SYNE2: variants seen among roughly 807,000 people sequenced by gnomAD.
SYNE2 encodes the protein nesprin-2.
SYNE2 carries 431 observed loss-of-function variants against 856.3 expected under a neutral mutation model. The ratio of observed to expected loss-of-function variants is 0.50; its 90% confidence interval spans 0.47 to 0.55. The LOEUF (loss-of-function observed/expected upper bound fraction) is 0.55. Among genes scored for constraint, SYNE2 ranks in the 20% least tolerant of loss-of-function variants. The pLI, the probability that SYNE2 is intolerant of heterozygous loss-of-function variation, is 0.00. For missense variants in SYNE2, 8,129 were observed against 8,023.2 expected (o/e 1.01, Z -0.50); for synonymous variants, 2,923 against 2,872.3 (o/e 1.02, Z -0.56).
intron 1 of SYNE2, among the ~76,000 whole-genome samples, chr14:63,806,126 T>C (rs1288641910): frequency 6.6e-6 from 1 of 152,198 alleles, no homozygotes; most frequent in Non-Finnish European, 1.5e-5. Flanking sequence ...TTGTCATAGA[T>C]GGCTCTTATT....
At chr14:63,940,070 A>ATTTTTTTTTTTTT (rs10666086) in intron 2 of SYNE2, among the ~76,000 whole-genome samples, 2 of 129,400 alleles carry the variant, frequency 1.5e-5, no homozygotes, top group Non-Finnish European at 3.2e-5. Context: ...GTCTCAGTTC[A>ATTTTTTTTTTTTT]TTTTTTTTTT....
chr14:64,036,280 A>T (rs917449081), intron 45 of SYNE2, among the ~76,000 whole-genome samples: 1 of 150,652 alleles, frequency 6.6e-6, no homozygotes, highest in Non-Finnish European at 1.5e-5. Flanking sequence ...AACCTGTTCT[A>T]TCGTTCTTTT....
chr14:63,798,443 G>C (rs1327521745), intron 1 of SYNE2, among the ~76,000 whole-genome samples: 2 of 149,890 alleles, frequency 1.3e-5, no homozygotes, highest in Non-Finnish European at 3.0e-5. Flanking sequence ...TCCCAGGCTG[G>C]AATGCAGTGG....
intron 99 of SYNE2, chr14:64,190,988 T>C (rs1222566961): frequency 1.4e-6 from 1 of 702,218 alleles, no homozygotes; most frequent in African/African-American, 1.7e-5. Context: ...TTGGGACCAC[T>C]TGTGCAGCTG....
intron 2 of SYNE2, among the ~76,000 whole-genome samples, chr14:63,924,356 A>G (rs192376902): frequency 6.6e-6 from 1 of 152,148 alleles, no homozygotes; most frequent in East Asian, 1.9e-4. Flanking sequence ...TTGCATTTCC[A>G]TATGAATTTT....
At chr14:63,986,645 A>G in intron 19 of SYNE2, 28 bp downstream of exon 19, 1 of 1,609,964 alleles carries the variant, frequency 6.2e-7, no homozygotes, top group Non-Finnish European at 8.5e-7. Flanking sequence ...TTAAGAGGGT[A>G]CTTTCATGGT....
intron 1 of SYNE2, among the ~76,000 whole-genome samples, chr14:63,833,264 A>G (rs1356122854): frequency 6.6e-6 from 1 of 152,136 alleles, no homozygotes; most frequent in Non-Finnish European, 1.5e-5. Context: ...TATGTTACAT[A>G]CTGCTCTTTC....
intron 70 of SYNE2, among the ~76,000 whole-genome samples, chr14:64,123,947 A>G (rs2097917198): frequency 1.3e-5 from 2 of 150,330 alleles, no homozygotes; most frequent in Admixed American, 1.3e-4. Context: ...GCTCACGCCT[A>G]TAATCCCAGC....
In SYNE2 at chr14:64,225,816, T is replaced by G. The variant is rs2098716322; in HGVS notation, c.*290T>G. On this transcript the variant is annotated 3_prime_UTR_variant, in exon 116 of 116. Coordinates refer to ENST00000555002, the MANE Select transcript of SYNE2 (RefSeq NM_182914.3). ...CAGTTTCCTGAAGAGCCAAGCACTT[T>G]GTGAATTCTGGTTTGTTTGTAAAAC... The G allele has an allele frequency of 1.7e-6, 1 of 589,392 alleles. No homozygotes were observed. The highest frequency in any genetic ancestry group is 3.0e-6 in the Non-Finnish European group (1 of 330,792). The allele number at this position is 589,392 out of a possible 1,614,324, so 36.5% of individuals were successfully genotyped here. A position where few individuals can be genotyped will look rare whatever the true frequency, so the allele number is the denominator to read the frequency against.
At chr14:64,024,220 G>T (rs1310297238) in intron 38 of SYNE2, 37 bp from the exon 39 acceptor site, 3 of 1,602,002 alleles carry the variant, frequency 1.9e-6, no homozygotes, top group Non-Finnish European at 2.6e-6. Flanking sequence ...ATTCAGACTT[G>T]CCAGGAGATT....
intron 93 of SYNE2, 43 bp downstream of exon 93, chr14:64,169,014 G>A (rs752950224): frequency 1.0e-5 from 15 of 1,473,622 alleles, no homozygotes; most frequent in South Asian, 2.3e-5. Flanking sequence ...CGGATGGAAG[G>A]TAATGCATTC....
At chr14:63,818,041 A>AAAC (rs1176503006) in intron 1 of SYNE2, among the ~76,000 whole-genome samples, 6 of 146,690 alleles carry the variant, frequency 4.1e-5, no homozygotes, top group Non-Finnish European at 7.5e-5. Context: ...AAAAAAAAAA[A>AAAC]AAAAACAAAT....
upstream of SYNE2, among the ~76,000 whole-genome samples, chr14:63,850,140 G>A (rs916440059): frequency 6.7e-5 from 10 of 149,456 alleles, no homozygotes; most frequent in Non-Finnish European, 3.0e-5. Context: ...GGAGTGCAAC[G>A]GCATGATCTC....
intron 70 of SYNE2, among the ~76,000 whole-genome samples, chr14:64,124,489 A>G (rs577928080): frequency 6.6e-6 from 1 of 151,180 alleles, no homozygotes; most frequent in East Asian, 2.0e-4. Flanking sequence ...CTTGCAAAGT[A>G]CTAGGATTAT....
At chr14:63,879,650 A>G (rs1355233050) in intron 1 of SYNE2, among the ~76,000 whole-genome samples, 1 of 152,272 alleles carries the variant, frequency 6.6e-6, no homozygotes, top group Non-Finnish European at 1.5e-5. Flanking sequence ...GGGGCTTCCA[A>G]AAGTTCACTT....
chr14:63,850,280 G>A (rs567624760), upstream of SYNE2, among the ~76,000 whole-genome samples: 3 of 144,770 alleles, frequency 2.1e-5, no homozygotes. Flanking sequence ...TAGAGACGGG[G>A]TTTCACCATG....
intron 45 of SYNE2, among the ~76,000 whole-genome samples, chr14:64,046,569 ACTC>A (rs997969739): frequency 1.3e-5 from 2 of 151,534 alleles, no homozygotes; most frequent in African/African-American, 2.4e-5. Flanking sequence ...CCCATGGTGA[ACTC>A]CTTGAACTTC....
chr14:63,970,651 C>CTTTTTTTTTTTTTTTTTTTTTTTTTT (rs61126600), intron 11 of SYNE2, among the ~76,000 whole-genome samples: 48 of 98,870 alleles, frequency 4.9e-4, no homozygotes, highest in East Asian at 1.2e-3. Context: ...TTTCTTTTTT[C>CTTTTTTTTTTTTTTTTTTTTTTTTTT]TTTTTTTTTT....
At chr14:64,093,502 AGG>A in intron 61 of SYNE2, 22 bp downstream of exon 61, 1 of 1,614,064 alleles carries the variant, frequency 6.2e-7, no homozygotes. Flanking sequence ...TCATTCATAA[AGG>A]TATGTTTCAT....
Sources: gnomAD v4.1 joint callset for allele counts (sites outside exome capture counted in the v4.1 genomes callset) on GRCh38, gnomAD v4.1.1 for gene constraint, MANE v1.5 for transcripts, NCBI Gene and HGNC (gene_info 2026-07-23, HGNC 2026-07-21) for gene names.